TBC1D2: variants seen among roughly 807,000 people sequenced by gnomAD.
The protein encoded by TBC1D2 is TBC1 domain family member 2A.
Under a neutral mutation model 91.1 loss-of-function variants are expected in TBC1D2, and 58 were observed. That is an observed-to-expected ratio of 0.64 (90% CI 0.52 to 0.79). The LOEUF is 0.79. Ranked by LOEUF, TBC1D2 falls within the 30% of genes least tolerant of loss-of-function variation. The pLI, the probability that TBC1D2 is intolerant of heterozygous loss-of-function variation, is 0.00. For missense variants in TBC1D2, 1,080 were observed against 1,208.3 expected (o/e 0.89, Z 1.57); for synonymous variants, 482 against 511.5 (o/e 0.94, Z 0.78).
intron 5 of TBC1D2, among the ~76,000 whole-genome samples, chr9:98,221,710 C>T (rs533319483): frequency 6.6e-6 from 1 of 152,200 alleles, no homozygotes; most frequent in African/African-American, 2.4e-5. Flanking sequence ...ACCTCTCACT[C>T]GTTTTGGGCC....
At position 98,228,897 on chromosome 9, in the gene TBC1D2, C is replaced by T. The variant is rs774965823; in HGVS notation, c.978+55G>A. The T allele has an allele frequency of 7.7e-6, 12 of 1,564,752 alleles. No homozygotes were observed. The highest frequency in any genetic ancestry group is 9.6e-6 in the Non-Finnish European group (11 of 1,147,212). The stretch of plus-strand genomic sequence containing the variant: ...TCCCATCTAGCTTATCCGAAAGGCT[C>T]CAGGAACTGGAGGGGTCCACTGGAA... On this transcript the variant is annotated intron_variant, in intron 5 of 12. Transcript: ENST00000465784. The surrounding 1 kb of genome is among the most constrained non-coding windows in gnomAD (Gnocchi z 4.0).
chr9:98,216,395 G>A (rs907869963), intron 6 of TBC1D2, among the ~76,000 whole-genome samples: 1 of 152,152 alleles, frequency 6.6e-6, no homozygotes, highest in African/African-American at 2.4e-5. Context: ...GGGAGGAAAG[G>A]ACCTACCATG....
chr9:98,203,491 T>C, intron 9 of TBC1D2, 83 bp from the exon 10 acceptor site: 1 of 1,569,672 alleles, frequency 6.4e-7, no homozygotes, highest in Non-Finnish European at 8.6e-7. Flanking sequence ...CTTCCTGGGT[T>C]CCAGGGGGAA....
chr9:98,209,293 C>T, intron 8 of TBC1D2, 149 bp from the exon 9 acceptor site: 1 of 739,566 alleles, frequency 1.4e-6, no homozygotes, highest in Non-Finnish European at 2.3e-6. Context: ...TTCAGTTCTC[C>T]CAACCTCAGA....
chr9:98,220,238 C>T (rs977704968), intron 6 of TBC1D2, among the ~76,000 whole-genome samples: 1 of 152,204 alleles, frequency 6.6e-6, no homozygotes, highest in African/African-American at 2.4e-5. Context: ...CCTTTCTCAG[C>T]CTCAGCATTC....
chr9:98,233,543 T>C lies in TBC1D2; in HGVS notation c.654A>G (p.Thr218=). Residue 218 remains threonine (T), a synonymous_variant, in exon 4 of 13, where the codon ACA becomes ACG. Coordinates refer to ENST00000465784, the MANE Select transcript of TBC1D2 (RefSeq NM_001267571.2). ...GCTTGTTGCCACGGATGTTGTGCAT[T>C]GTGTTCCTGAAAGGAGACAAGAACA... The part of the protein sequence containing the change: ...LKHLGTEIQN[T]MHNIRGNKQA... The C allele has an allele frequency of 6.2e-7, 1 of 1,614,102 alleles. No homozygotes were observed. Among genetic ancestry groups the C allele is most frequent in the South Asian group, 1.1e-5 (1 of 91,070 alleles).
chr9:98,203,590 G>T (rs1828569818), intron 9 of TBC1D2, among the ~76,000 whole-genome samples, 182 bp from the exon 10 acceptor site: 1 of 152,200 alleles, frequency 6.6e-6, no homozygotes, highest in Non-Finnish European at 1.5e-5. Context: ...CTCTTTTGGG[G>T]AGGATGACCG....
chr9:98,212,524 CAG>C (rs1190370841), intron 7 of TBC1D2, among the ~76,000 whole-genome samples: 1 of 149,188 alleles, frequency 6.7e-6, no homozygotes, highest in Non-Finnish European at 1.5e-5. Flanking sequence ...TTTTTTGAGA[CAG>C]AGTCTTGCTC....
chr9:98,243,147 ATAT>A (rs1829687454), intron 3 of TBC1D2, among the ~76,000 whole-genome samples: 1 of 151,842 alleles, frequency 6.6e-6, no homozygotes, highest in Non-Finnish European at 1.5e-5. Flanking sequence ...TATATATAAT[ATAT>A]TATTAAATAA....
At chr9:98,214,881 C>T (rs1828932645) in intron 6 of TBC1D2, among the ~76,000 whole-genome samples, 1 of 152,150 alleles carries the variant, frequency 6.6e-6, no homozygotes, top group African/African-American at 2.4e-5. Context: ...CATCACCCCT[C>T]ACCACTCCAC....
Position 98,208,778 on chromosome 9 carries a change from G to A in TBC1D2, c.2040C>T (p.Asn680=). 2 of 1,584,318 alleles carry A rather than the reference G, an allele frequency of 1.3e-6. No individual in the cohort carries two copies. Among genetic ancestry groups the A allele is most frequent in the Non-Finnish European group, 1.7e-6 (2 of 1,160,320 alleles). The change falls in exon 9 of 13, where the codon AAC becomes AAT. Residue 680 remains asparagine, a synonymous_variant. Coordinates refer to ENST00000465784, the MANE Select transcript of TBC1D2 (RefSeq NM_001267571.2). ...IELDLNRTFP[N]NKHFTCPTSS... is the part of the protein sequence containing the mutation. ...AGGTGGGGCAGGTGAAGTGTTTGTT[G>A]TTGGGGAAGGTCCGGTTCAGGTCCA...
At chr9:98,244,397 G>A (rs1180072319) in intron 2 of TBC1D2, among the ~76,000 whole-genome samples, 1 of 152,268 alleles carries the variant, frequency 6.6e-6, no homozygotes, top group Admixed American at 6.5e-5. Context: ...GGTGGCTCAT[G>A]CCTGTAATCT....
chr9:98,212,086 C>T (rs1264502216), intron 7 of TBC1D2, among the ~76,000 whole-genome samples: 3 of 152,264 alleles, frequency 2.0e-5, no homozygotes, highest in Non-Finnish European at 2.9e-5. Context: ...CCTGTGCCAC[C>T]GCACCTGGCC....
chr9:98,228,138 C>G lies in TBC1D2; in HGVS notation c.978+814G>C, dbSNP rs891056143. ...CTCTAGAGGAAAAGGAGTCTGGGCC[C>G]TCACTGGAGCCCGCCACTGCCACCA... On this transcript the variant is annotated intron_variant, in intron 5 of 12. Transcript: ENST00000465784. The surrounding 1 kb of genome is among the most constrained non-coding windows in gnomAD (Gnocchi z 4.0). 2.6e-5 allele frequency among the ~76,000 whole-genome samples: 4 copies of G among 152,208 alleles called. No homozygotes were observed. The highest frequency in any genetic ancestry group is 9.7e-5 in the African/African-American group (4 of 41,446).
chr9:98,201,713 G>A (rs1294208353), intron 10 of TBC1D2, 49 bp from the exon 11 acceptor site: 1 of 1,556,116 alleles, frequency 6.4e-7, no homozygotes, highest in African/African-American at 1.3e-5. Context: ...GCGTAGGGCT[G>A]CCTCCCTCCC....
intron 2 of TBC1D2, among the ~76,000 whole-genome samples, chr9:98,251,004 T>G (rs1298474257): frequency 1.3e-5 from 2 of 152,056 alleles, no homozygotes; most frequent in Non-Finnish European, 2.9e-5. Flanking sequence ...ATAATTGATC[T>G]GGCCAGGCAT....
rs769456930 is a variant in TBC1D2, at chr9:98,255,418, C to G, written c.124G>C (p.Glu42Gln). The G allele has an allele frequency of 7.4e-6, 12 of 1,612,386 alleles. No homozygotes were observed. Among genetic ancestry groups the G allele is most frequent in the Non-Finnish European group, 1.0e-5 (12 of 1,178,642 alleles). Reference sequence around the variant, plus strand: ...CCACAGAGTTTCTTGGGGACCGCCTCCAGGGACCGGGCGCAGTCCCCCGAT... The same window carrying G: ...CCACAGAGTTTCTTGGGGACCGCCTGCAGGGACCGGGCGCAGTCCCCCGAT... ...EESGDCARSL[E>Q]AVPKKLCGYL... The change falls in exon 1 of 13, where the codon GAG (glutamate) becomes CAG (glutamine). Residue 42 changes from glutamate to glutamine, a missense_variant. By Grantham distance (29) the Glu-to-Gln change is conservative (BLOSUM62 2). Coordinates refer to ENST00000465784, the MANE Select transcript of TBC1D2 (RefSeq NM_001267571.2).
Position 98,233,413 on chromosome 9 carries a change from C to T in TBC1D2, c.781+3G>A, listed in dbSNP as rs1055526564. Reference sequence around the variant, plus strand: ...GGCAGCTCAGCCCTGGACAGAGGCTCACCTGGGGTGCTGGCGTCAGAGGCC... The same window carrying T: ...GGCAGCTCAGCCCTGGACAGAGGCTTACCTGGGGTGCTGGCGTCAGAGGCC... On this transcript the variant is annotated splice_donor_region_variant and intron_variant, in intron 4 of 12. Transcript: ENST00000465784. 1.2e-6 allele frequency: 2 copies of T among 1,613,268 alleles called. No homozygotes were observed. Among genetic ancestry groups the T allele is most frequent in the African/African-American group, 2.7e-5 (2 of 74,898 alleles).
chr9:98,240,601 A>G (rs1017146137), intron 3 of TBC1D2, among the ~76,000 whole-genome samples: 3 of 152,224 alleles, frequency 2.0e-5, no homozygotes, highest in African/African-American at 7.2e-5. Context: ...CTATAGCTAG[A>G]GGCACTGGCT....
Sources: allele counts gnomAD v4.1 joint callset (sites outside exome capture counted in the v4.1 genomes callset), GRCh38; gene constraint gnomAD v4.1.1; non-coding constraint Gnocchi (gnomAD v3.1); transcripts MANE v1.5; gene names NCBI Gene and HGNC (gene_info 2026-07-23, HGNC 2026-07-21).